Variants in PCDH10 observed in about 807,000 individuals in gnomAD.
The protein encoded by PCDH10 is protocadherin-10.
In PCDH10, 15 loss-of-function variants were observed where a neutral mutation model predicts 74.4. That is an observed-to-expected ratio of 0.20 (90% CI 0.13 to 0.31). The LOEUF (loss-of-function observed/expected upper bound fraction) is 0.31. Among genes scored for constraint, PCDH10 ranks in the 10% least tolerant of loss-of-function variants. The pLI is 1.00. For synonymous variants in PCDH10, 619 were observed against 589.8 expected (o/e 1.05, Z -0.72); for missense variants, 1,260 against 1,390.2 (o/e 0.91, Z 1.49).
At chr4:133,152,965 C>T (rs1219449372) in intron 1 of PCDH10, 194 bp downstream of exon 1, 2 of 1,449,240 alleles carry the variant, frequency 1.4e-6, no homozygotes, top group Admixed American at 2.9e-5. Context: ...GTTGTTCCAC[C>T]CTTTCACATT....
intron 4 of PCDH10, among the ~76,000 whole-genome samples, chr4:133,187,484 AC>A (rs930800681): frequency 1.7e-3 from 251 of 150,924 alleles, no homozygotes; most frequent in African/African-American, 5.8e-3. Context: ...GCTTCTTCTA[AC>A]ATGGAGGAAA....
chr4:133,186,677 T>C (rs1507835), intron 4 of PCDH10, among the ~76,000 whole-genome samples: 1 of 152,120 alleles, frequency 6.6e-6, no homozygotes, highest in Non-Finnish European at 1.5e-5. Flanking sequence ...ATTTGCTTGC[T>C]ACTTGTCCAA....
chr4:133,196,384 CTG>C (rs1277052406), downstream of PCDH10, among the ~76,000 whole-genome samples: 1 of 152,084 alleles, frequency 6.6e-6, no homozygotes, highest in East Asian at 1.9e-4. Flanking sequence ...TCATGTTGCA[CTG>C]TTAGTTCCTG....
rs1727691527 is a variant in PCDH10, at chr4:133,192,192, A to G, written c.*2032A>G. 1 of 151,682 alleles carries G rather than the reference A, an allele frequency of 6.6e-6. No individual in the cohort carries two copies. Among genetic ancestry groups the G allele is most frequent in the African/African-American group, 2.4e-5 (1 of 41,402 alleles). The allele number at this position is 151,682 out of a possible 1,614,324, so 9.4% of individuals were successfully genotyped here. Reference sequence around the variant, plus strand: ...TGTAATACAAAAAGCACATAAATTCACTAAGTGCAGCAGTAACATTTTCTT... The same window carrying G: ...TGTAATACAAAAAGCACATAAATTCGCTAAGTGCAGCAGTAACATTTTCTT... On this transcript the variant is annotated 3_prime_UTR_variant, in exon 5 of 5. Transcript: ENST00000264360.
In PCDH10 at chr4:133,152,269, C is replaced by G. The variant is rs1445387096; in HGVS notation, c.2129C>G (p.Thr710Ser). ...CCCAGTCGCTCTGGCGGCGGGGAAA[C>G]CTCGCTAGACCTCACCCTCATCCTC... ...QRPSRSGGGE[T>S]SLDLTLILII... The change falls in exon 1 of 5, where the codon ACC becomes AGC. Residue 710 changes from threonine (T) to serine (S), a missense_variant. Coordinates refer to ENST00000264360, the MANE Select transcript of PCDH10 (RefSeq NM_032961.3). 6.2e-7 allele frequency: 1 copy of G among 1,613,370 alleles called. No individual in the cohort carries two copies. Among genetic ancestry groups the G allele is most frequent in the East Asian group, 2.2e-5 (1 of 44,828 alleles).
chr4:133,206,360 G>A (rs10857163), intron 2 of PCDH10, among the ~76,000 whole-genome samples: 139,694 of 152,210 alleles, frequency 0.92, 64,194 homozygotes, highest in Middle Eastern at 0.95. Flanking sequence ...TCTCTTAACC[G>A]GAGGGAATAG....
At chr4:133,198,168 A>G (rs1401350165), downstream of PCDH10, among the ~76,000 whole-genome samples, 4 of 152,266 alleles carry the variant, frequency 2.6e-5, no homozygotes, top group East Asian at 3.9e-4. Context: ...ACAAGCTGGC[A>G]TGGGCTTTTC....
Position 133,188,102 on chromosome 4 carries a change from A to G in PCDH10, c.3104-2039A>G, listed in dbSNP as rs114815645. Among the ~76,000 whole-genome samples, 860 of 152,260 alleles carry G rather than the reference A, an allele frequency of 5.6e-3. 12 individuals carry two copies. The highest frequency in any genetic ancestry group is 0.02 in the African/African-American group (822 of 41,560). The stretch of plus-strand genomic sequence containing the variant: ...GCATTTTCTGATTTTTACTATTAAC[A>G]GGAAAGGCCCCAACCCAGCTTATTT... On this transcript the variant is annotated intron_variant, in intron 4 of 4. Coordinates refer to ENST00000264360, the MANE Select transcript of PCDH10 (RefSeq NM_032961.3).
intron 4 of PCDH10, 52 bp downstream of exon 4, chr4:133,163,334 G>T (rs1727013420): frequency 1.4e-6 from 2 of 1,440,040 alleles, no homozygotes; most frequent in South Asian, 1.4e-5. Context: ...AGGAGATAAA[G>T]TTCAACATTC....
At chr4:133,174,788 G>C (rs1394685665) in intron 4 of PCDH10, among the ~76,000 whole-genome samples, 2 of 151,366 alleles carry the variant, frequency 1.3e-5, no homozygotes, top group East Asian at 3.9e-4. Context: ...ATATTATGGA[G>C]TGATGTGAAG....
chr4:133,154,575 G>C (rs563378302), intron 2 of PCDH10, among the ~76,000 whole-genome samples: 10 of 152,072 alleles, frequency 6.6e-5, no homozygotes, highest in African/African-American at 2.4e-4. Flanking sequence ...AACTATATTT[G>C]AATATTTTGT....
At chr4:133,203,971 G>T (rs1387446289) in intron 2 of PCDH10, among the ~76,000 whole-genome samples, 1 of 152,134 alleles carries the variant, frequency 6.6e-6, no homozygotes, top group East Asian at 1.9e-4. Context: ...TAAGAATTTT[G>T]GGTAGGGTTT....
chr4:133,170,908 G>C (rs749344020), intron 4 of PCDH10, among the ~76,000 whole-genome samples: 1 of 151,346 alleles, frequency 6.6e-6, no homozygotes, highest in Non-Finnish European at 1.5e-5. Context: ...TAGCCCAGAT[G>C]GTCTCTGTCT....
intron 2 of PCDH10, among the ~76,000 whole-genome samples, chr4:133,201,243 A>T (rs2125877608): frequency 6.6e-6 from 1 of 152,310 alleles, no homozygotes. Flanking sequence ...ATTTAGTGAA[A>T]CATTGAAAGA....
intron 4 of PCDH10, among the ~76,000 whole-genome samples, chr4:133,182,614 T>C (rs1461665371): frequency 1.3e-5 from 2 of 152,026 alleles, no homozygotes; most frequent in Non-Finnish European, 2.9e-5. Context: ...TCCAGAAAAA[T>C]TTTCAGTGAT....
At chr4:133,190,070 CAAT>C in intron 4 of PCDH10, 68 bp from the exon 5 acceptor site, 5 of 1,269,936 alleles carry the variant, frequency 3.9e-6, no homozygotes, top group Non-Finnish European at 5.8e-6. Flanking sequence ...CTTTCTTTTA[CAAT>C]AATGTGTAAT....
chr4:133,207,342 C>A (rs764571158), intron 2 of PCDH10, among the ~76,000 whole-genome samples: 1 of 152,286 alleles, frequency 6.6e-6, no homozygotes, highest in Non-Finnish European at 1.5e-5. Flanking sequence ...AACTAGCAAG[C>A]TTCAATACTT....
chr4:133,204,354 G>A (rs1034653596), intron 2 of PCDH10, among the ~76,000 whole-genome samples: 6 of 152,150 alleles, frequency 3.9e-5, no homozygotes, highest in Admixed American at 2.0e-4. Context: ...AGCAGCTAGT[G>A]AAGGTCACTA....
In PCDH10 at chr4:133,150,992, G is replaced by C. The variant is rs772098781; in HGVS notation, c.852G>C (p.Glu284Asp). 4 of 1,613,934 alleles carry C rather than the reference G, an allele frequency of 2.5e-6. No homozygotes were observed. The South Asian group carries it at 4.4e-5, about 18-fold the overall frequency. ...ACCCGGACGAGGGCCAGAACGGTGA[G>C]GTCGTGTACTCCTTCAGCAGCCACA... ...ATDPDEGQNG[E>D]VVYSFSSHIS... The change falls in exon 1 of 5, where the codon GAG becomes GAC. Residue 284 changes from glutamate (E) to aspartate (D), a missense_variant. Physicochemically the swap from Glu to Asp is conservative, Grantham distance 45 (BLOSUM62 2). This residue lies in a region of PCDH10 where 192 missense variants were observed against 161.2 expected (regional missense o/e 1.19). Coordinates refer to ENST00000264360, the MANE Select transcript of PCDH10 (RefSeq NM_032961.3).
Sources: allele counts gnomAD v4.1 joint callset (sites outside exome capture counted in the v4.1 genomes callset), GRCh38; gene constraint gnomAD v4.1.1; regional missense constraint gnomAD v4.1.1; transcripts MANE v1.5; gene names NCBI Gene and HGNC (gene_info 2026-07-23, HGNC 2026-07-21).